C9orf43: variants seen among roughly 807,000 people sequenced by gnomAD.
C9orf43 encodes uncharacterized protein C9orf43.
Under a neutral mutation model 59.1 loss-of-function variants are expected in C9orf43, and 45 were observed. The observed-to-expected ratio is 0.76, with a 90% CI of 0.60 to 0.98. The LOEUF (loss-of-function observed/expected upper bound fraction) is 0.98. C9orf43 is among the 50% of genes least tolerant of loss of function. The probability of loss-of-function intolerance (pLI) is 0.00; values close to 1 mark genes in which losing one functional copy is unlikely to be tolerated. For synonymous variants in C9orf43, 203 were observed against 196.8 expected (o/e 1.03, Z -0.26); for missense variants, 533 against 554.9 (o/e 0.96, Z 0.40).
chr9:113,421,926 G>C (rs1212260127), intron 5 of C9orf43, among the ~76,000 whole-genome samples: 1 of 152,104 alleles, frequency 6.6e-6, no homozygotes, highest in Non-Finnish European at 1.5e-5. Context: ...AAGTAGGCAG[G>C]CTAGGTCATG....
intron 7 of C9orf43, 29 bp from the exon 8 acceptor site, chr9:113,424,137 A>G: frequency 3.2e-6 from 5 of 1,555,296 alleles, no homozygotes; most frequent in Non-Finnish European, 4.3e-6. Flanking sequence ...GCTGTTGCTG[A>G]CTGTCTGGCT....
chr9:113,425,613 C>T, intron 10 of C9orf43, 30 bp from the exon 11 acceptor site: 24 of 1,597,486 alleles, frequency 1.5e-5, no homozygotes, highest in Non-Finnish European at 2.0e-5. Context: ...TCCAAAAATC[C>T]TAATTTGTTC....
chr9:113,413,713 C>T, intron 2 of C9orf43, 46 bp from the exon 3 acceptor site: 1 of 1,611,330 alleles, frequency 6.2e-7, no homozygotes, highest in Non-Finnish European at 8.5e-7. Context: ...GGCTCCCTTT[C>T]TCCAGGCAGC....
chr9:113,411,897 C>G (rs1828176502), intron 1 of C9orf43, among the ~76,000 whole-genome samples: 1 of 152,042 alleles, frequency 6.6e-6, no homozygotes, highest in Non-Finnish European at 1.5e-5. Context: ...AGGCTGGTCT[C>G]GAACTCCAGG....
chr9:113,415,257 C>G (rs1247959563), intron 3 of C9orf43, among the ~76,000 whole-genome samples: 2 of 152,096 alleles, frequency 1.3e-5, no homozygotes, highest in African/African-American at 4.8e-5. Flanking sequence ...GATTCTCTAG[C>G]CTCAGCCTCT....
chr9:113,411,996 C>CT (rs539963304), intron 1 of C9orf43, among the ~76,000 whole-genome samples: 191 of 152,204 alleles, frequency 1.3e-3, no homozygotes, highest in Admixed American at 3.4e-3. Context: ...ATTAATGCTG[C>CT]TTTTTTTTCC....
intron 1 of C9orf43, 109 bp downstream of exon 1, chr9:113,411,110 G>C (rs557625592): frequency 7.1e-6 from 7 of 985,424 alleles, no homozygotes; most frequent in Non-Finnish European, 7.2e-6. Flanking sequence ...CGCCTGATTA[G>C]GTCTCAGGAG....
intron 11 of C9orf43, among the ~76,000 whole-genome samples, chr9:113,426,044 A>G (rs991570966): frequency 6.6e-6 from 1 of 152,302 alleles, no homozygotes; most frequent in Middle Eastern, 3.4e-3. Context: ...CAGGAGAGGA[A>G]CAAGCCCAGG....
intron 4 of C9orf43, chr9:113,420,864 C>CT: frequency 2.5e-6 from 2 of 804,778 alleles, no homozygotes; most frequent in Non-Finnish European, 3.0e-6. Context: ...AAATGCTACC[C>CT]TAATGGCACA....
chr9:113,427,838 T>G (rs971226080), intron 11 of C9orf43, among the ~76,000 whole-genome samples: 1 of 152,226 alleles, frequency 6.6e-6, no homozygotes, highest in African/African-American at 2.4e-5. Context: ...CGCAAGAAGA[T>G]GAGTCACATT....
In C9orf43 at chr9:113,413,468, G is replaced by T; in HGVS notation, c.-26G>T. ...AGAGCACTAGAATGCTGCAGGGTTG[G>T]CCTTTGGCCTAAACCATTTCTAGCT... On this transcript the variant is annotated 5_prime_UTR_variant, in exon 2 of 14. Coordinates refer to ENST00000374165, the MANE Select transcript of C9orf43 (RefSeq NM_001278629.2). 3.7e-6 allele frequency: 6 copies of T among 1,601,998 alleles called. No homozygotes were observed. The highest frequency in any genetic ancestry group is 4.3e-6 in the Non-Finnish European group (5 of 1,170,312).
Position 113,429,044 on chromosome 9 carries a change from C to T in C9orf43, c.1171+81C>T. On this transcript the variant is annotated intron_variant, in intron 13 of 13. Transcript: ENST00000374165. ...ACCTGTGTTGACCAGGATAGTTTAC[C>T]TCCCTGAAGGCACAGTTCCTCTATC... 2.7e-6 allele frequency: 4 copies of T among 1,496,426 alleles called. No individual in the cohort carries two copies. The South Asian group carries it at 4.5e-5, about 17-fold the overall frequency. The allele number at this position is 1,496,426 out of a possible 1,614,324, so 92.7% of individuals were successfully genotyped here.
At chr9:113,417,803 AAGAGTGGTC>A (rs1384525075) in intron 3 of C9orf43, among the ~76,000 whole-genome samples, 2 of 152,216 alleles carry the variant, frequency 1.3e-5, no homozygotes, top group African/African-American at 2.4e-5. Context: ...GCAGGAATGG[AAGAGTGGTC>A]AGAGATGAGG....
Position 113,426,817 on chromosome 9 carries a change from G to A in C9orf43, c.1030+1087G>A, listed in dbSNP as rs372849805. Among the ~76,000 whole-genome samples, 5 of 152,298 alleles carry A rather than the reference G, an allele frequency of 3.3e-5. No homozygotes were observed. The East Asian group carries it at 9.7e-4, about 29-fold the overall frequency. ...GCAATTTTGCTTGGGTGACTGGGGT[G>A]CCTCTGTGAGTCATGTTCATAGAGC... is the stretch of plus-strand genomic sequence containing the variant. On this transcript the variant is annotated intron_variant, in intron 11 of 13. Coordinates refer to ENST00000374165, the MANE Select transcript of C9orf43 (RefSeq NM_001278629.2).
chr9:113,417,250 C>T (rs1021619411), intron 3 of C9orf43, among the ~76,000 whole-genome samples: 3 of 152,158 alleles, frequency 2.0e-5, no homozygotes, highest in African/African-American at 4.8e-5. Flanking sequence ...GGTTGAGTTT[C>T]CTCATTTCCC....
At chr9:113,425,589 A>G in intron 10 of C9orf43, 54 bp from the exon 11 acceptor site, 3 of 1,576,474 alleles carry the variant, frequency 1.9e-6, no homozygotes, top group Admixed American at 3.6e-5. Flanking sequence ...CTTTTGAAAA[A>G]AGTTTTCTTT....
At chr9:113,419,050 G>A (rs771389668) in intron 3 of C9orf43, 58 bp from the exon 4 acceptor site, 146 of 1,400,852 alleles carry the variant, frequency 1.0e-4, no homozygotes, top group Non-Finnish European at 1.4e-4. Context: ...TAGCACTAAC[G>A]TTATCATTCC....
In C9orf43 at chr9:113,429,235, C is replaced by T. The variant is rs1323392367; in HGVS notation, c.1235C>T (p.Pro412Leu). Residue 412 changes from proline (P) to leucine (L), a missense_variant, in exon 14 of 14, where the codon CCA becomes CTA. Pro to Leu is a moderately conservative substitution (Grantham distance 98). Transcript: ENST00000374165. ...ATTAGTGCTCCAGTGGACGCTGTGC[C>T]AGAAGCCCAGGCTGCCAGGCAAAAG... The part of the protein sequence containing the change: ...KDISAPVDAV[P>L]EAQAARQKKI... 9 of 1,614,086 alleles carry T rather than the reference C, an allele frequency of 5.6e-6. No individual in the cohort carries two copies. In the East Asian group the frequency reaches 1.8e-4, roughly 32 times the overall value.
In C9orf43 at chr9:113,424,066, A is replaced by G. The variant is rs1588111738; in HGVS notation, c.657-100A>G. ...GTTGGTACAGGCCTTTTCAGACCCA[A>G]AGTGGAAATTTCTTGGAGCCCTTTA... On this transcript the variant is annotated intron_variant, in intron 7 of 13. Transcript: ENST00000374165. 26 of 1,417,604 alleles carry G rather than the reference A, an allele frequency of 1.8e-5. No individual in the cohort carries two copies. In the East Asian group the frequency reaches 6.0e-4, roughly 33 times the overall value. The allele number at this position is 1,417,604 out of a possible 1,614,324, so 87.8% of individuals were successfully genotyped here. A position where few individuals can be genotyped will look rare whatever the true frequency, so the allele number is the denominator to read the frequency against.
Sources: gnomAD v4.1 joint callset for allele counts (sites outside exome capture counted in the v4.1 genomes callset) on GRCh38, gnomAD v4.1.1 for gene constraint, MANE v1.5 for transcripts, NCBI Gene and HGNC (gene_info 2026-07-23, HGNC 2026-07-21) for gene names.